Variants in RNF111 observed in about 807,000 individuals in gnomAD.
RNF111 encodes E3 ubiquitin-protein ligase Arkadia.
RNF111 carries 17 observed loss-of-function variants against 95.1 expected under a neutral mutation model. The ratio of observed to expected loss-of-function variants is 0.18; its 90% CI spans 0.12 to 0.27. The LOEUF (loss-of-function observed/expected upper bound fraction) is 0.27. Ranked by LOEUF, RNF111 falls within the 10% of genes least tolerant of loss-of-function variation. The pLI is 1.00. For synonymous variants in RNF111, 440 were observed against 414.8 expected, an observed-to-expected ratio of 1.06 and a Z score of -0.74; for missense variants, 1,189 against 1,210.4, an observed-to-expected ratio of 0.98 and a Z score of 0.26.
intron 2 of RNF111, among the ~76,000 whole-genome samples, chr15:59,041,961 A>ATTTTTTTTTTTT (rs79347638): frequency 1.1e-4 from 11 of 100,104 alleles, no homozygotes; most frequent in African/African-American, 2.4e-4. Context: ...GTCTGTTCAT[A>ATTTTTTTTTTTT]TTTTTTTTTT....
At chr15:59,084,658 C>CG (rs2078845720) in intron 9 of RNF111, among the ~76,000 whole-genome samples, 1 of 151,934 alleles carries the variant, frequency 6.6e-6, no homozygotes, top group Admixed American at 6.6e-5. Context: ...TTGAAATAAA[C>CG]GGTACGTTAT....
Position 59,085,653 on chromosome 15 carries a change from C to T in RNF111, c.2424-6C>T, listed in dbSNP as rs373815787. On this transcript the variant is annotated splice_polypyrimidine_tract_variant and splice_region_variant and intron_variant, in intron 9 of 13. Coordinates refer to ENST00000348370, the MANE Select transcript of RNF111 (RefSeq NM_017610.8). ...GAGGATTAAACTGTTCTCATCCTTT[C>T]GTTAGGGAACTGGGAATTGAAGCTG... 2.7e-5 allele frequency: 43 copies of T among 1,612,180 alleles called. No individual in the cohort carries two copies. In the East Asian group the frequency reaches 2.7e-4, roughly 10 times the overall value.
chr15:59,080,114 C>CTTTTTTTTTTTTT (rs1194255542), intron 7 of RNF111, among the ~76,000 whole-genome samples: 1 of 85,446 alleles, frequency 1.2e-5, no homozygotes, highest in African/African-American at 5.2e-5. Flanking sequence ...TTGTGTGCTC[C>CTTTTTTTTTTTTT]TTTTTTTTTT....
At chr15:59,057,662 G>T (rs1250259216) in intron 4 of RNF111, among the ~76,000 whole-genome samples, 1 of 152,098 alleles carries the variant, frequency 6.6e-6, no homozygotes, top group Non-Finnish European at 1.5e-5. Context: ...TTATTAGAAA[G>T]CACTGATGAG....
chr15:59,052,744 A>G (rs2042045497), intron 3 of RNF111, among the ~76,000 whole-genome samples: 1 of 151,828 alleles, frequency 6.6e-6, no homozygotes, highest in African/African-American at 2.4e-5. Context: ...GGCTGCATTA[A>G]ACTCACCTGG....
At chr15:59,010,986 C>G (rs923013448) in intron 1 of RNF111, among the ~76,000 whole-genome samples, 6 of 152,160 alleles carry the variant, frequency 3.9e-5, no homozygotes, top group African/African-American at 1.4e-4. Context: ...TTCCCCTTTT[C>G]TCCCTAACGG....
At chr15:58,991,225 A>G (rs1380014373) in intron 1 of RNF111, among the ~76,000 whole-genome samples, 1 of 151,876 alleles carries the variant, frequency 6.6e-6, no homozygotes, top group Non-Finnish European at 1.5e-5. Context: ...TGAACCCGGG[A>G]GGTGGAGGTT....
At chr15:59,070,331 C>T (rs1271103982) in intron 6 of RNF111, among the ~76,000 whole-genome samples, 2 of 151,850 alleles carry the variant, frequency 1.3e-5, no homozygotes, top group Non-Finnish European at 2.9e-5. Flanking sequence ...TTTTTATTTT[C>T]CCTTTATTCT....
chr15:58,995,900 A>G (rs971455419), intron 1 of RNF111, among the ~76,000 whole-genome samples: 2 of 149,720 alleles, frequency 1.3e-5, no homozygotes, highest in African/African-American at 4.9e-5. Flanking sequence ...CCTTTTAGTG[A>G]GCAATCCAAT....
At chr15:59,041,314 G>A (rs1448718861) in intron 2 of RNF111, among the ~76,000 whole-genome samples, 2 of 152,062 alleles carry the variant, frequency 1.3e-5, no homozygotes, top group Admixed American at 6.6e-5. Context: ...CCAGCACTTT[G>A]GGAGGCCGAG....
intron 2 of RNF111, among the ~76,000 whole-genome samples, chr15:59,051,299 C>CA (rs1224277636): frequency 4.0e-5 from 6 of 149,536 alleles, no homozygotes; most frequent in Non-Finnish European, 7.4e-5. Flanking sequence ...TAAAAATAAA[C>CA]AAAAAAAAAT....
At chr15:59,042,820 A>C (rs1435446126) in intron 2 of RNF111, among the ~76,000 whole-genome samples, 1 of 152,224 alleles carries the variant, frequency 6.6e-6, no homozygotes, top group Non-Finnish European at 1.5e-5. Flanking sequence ...TTTTAATTAT[A>C]AAATCTTTAA....
chr15:59,051,217 G>C (rs549017009), intron 2 of RNF111, among the ~76,000 whole-genome samples: 14 of 152,192 alleles, frequency 9.2e-5, no homozygotes, highest in African/African-American at 3.1e-4. Flanking sequence ...ACTTTGGGAG[G>C]CTGAGGAGGG....
intron 8 of RNF111, 103 bp from the exon 9 acceptor site, chr15:59,084,026 G>T (rs2078825790): frequency 1.1e-6 from 1 of 882,642 alleles, no homozygotes; most frequent in African/African-American, 1.8e-5. Context: ...CTAATCTATA[G>T]ATGTTTATAG....
At chr15:59,022,331 C>G (rs1008551530) in intron 1 of RNF111, among the ~76,000 whole-genome samples, 2 of 152,166 alleles carry the variant, frequency 1.3e-5, no homozygotes, top group South Asian at 4.1e-4. Flanking sequence ...AGCTGAGATA[C>G]TAAAATCATG....
chr15:59,046,969 G>T (rs568789408), intron 2 of RNF111, among the ~76,000 whole-genome samples: 1 of 152,158 alleles, frequency 6.6e-6, no homozygotes, highest in East Asian at 1.9e-4. Context: ...CTGGTTTCAA[G>T]TGATCCTACC....
At chr15:59,037,290 GT>G (rs1484924865) in intron 2 of RNF111, among the ~76,000 whole-genome samples, 1 of 152,118 alleles carries the variant, frequency 6.6e-6, no homozygotes, top group Non-Finnish European at 1.5e-5. Context: ...TAAACATTTA[GT>G]TTTTCCCAGT....
Position 59,084,232 on chromosome 15 carries a change from C to A in RNF111, c.2401C>A (p.Gln801Lys). The A allele has an allele frequency of 6.3e-7, 1 of 1,593,902 alleles. No individual in the cohort carries two copies. The highest frequency in any genetic ancestry group is 8.5e-7 in the Non-Finnish European group (1 of 1,170,460). Residue 801 changes from glutamine (Q) to lysine (K), a missense_variant, in exon 9 of 14, where the codon CAG (glutamine) becomes AAG (lysine). Transcript: ENST00000348370. The stretch of plus-strand genomic sequence containing the variant: ...TCAGACTATGTCCTCACATCCTCGA[C>A]AGGCTCCAGAGAGGTCTGCCTGGTC... Reference protein sequence around the residue: ...VPQTMSSHPRQAPERSAWELG... With the variant: ...VPQTMSSHPRKAPERSAWELG...
chr15:59,067,775 T>C (rs929515002), intron 6 of RNF111, among the ~76,000 whole-genome samples: 6 of 152,156 alleles, frequency 3.9e-5, no homozygotes, highest in East Asian at 1.9e-4. Flanking sequence ...TCATGAAAAA[T>C]TGGAAAATTC....
Sources: allele counts gnomAD v4.1 joint callset (sites outside exome capture counted in the v4.1 genomes callset), GRCh38; gene constraint gnomAD v4.1.1; transcripts MANE v1.5; gene names NCBI Gene and HGNC (gene_info 2026-07-23, HGNC 2026-07-21).